Variants in TBC1D32 observed in about 807,000 individuals in gnomAD.
TBC1D32 encodes the protein TBC1 domain family member 32.
Under a neutral mutation model 170.3 loss-of-function variants are expected in TBC1D32, and 151 were observed. The observed-to-expected ratio is 0.89, with a 90% CI of 0.78 to 1.01. TBC1D32 has a LOEUF of 1.01. Among genes scored for constraint, TBC1D32 ranks in the 50% least tolerant of loss-of-function variants. TBC1D32 has a pLI of 0.00. For synonymous variants in TBC1D32, 498 were observed against 488.0 expected, an observed-to-expected ratio of 1.02 and a Z score of -0.27; for missense variants, 1,464 against 1,457.1, an observed-to-expected ratio of 1.00 and a Z score of -0.08.
chr6:121,172,777 C>A (rs896271408), intron 22 of TBC1D32, among the ~76,000 whole-genome samples: 3 of 152,166 alleles, frequency 2.0e-5, no homozygotes, highest in African/African-American at 7.2e-5. Flanking sequence ...TCTCCTTTAT[C>A]ATGTGACGTA....
intron 17 of TBC1D32, among the ~76,000 whole-genome samples, chr6:121,251,153 C>T (rs114131080): frequency 0.052 from 7,848 of 151,976 alleles, 232 homozygotes; most frequent in African/African-American, 0.079. Flanking sequence ...GGTCATACTG[C>T]CCAAAGTTAT....
At chr6:121,123,765 GT>G (rs1251031340) in intron 26 of TBC1D32, among the ~76,000 whole-genome samples, 1 of 151,486 alleles carries the variant, frequency 6.6e-6, no homozygotes, top group Non-Finnish European at 1.5e-5. Flanking sequence ...TTTAATACTT[GT>G]TTACTAGTTA....
chr6:121,293,694 A>G (rs1805203311), intron 11 of TBC1D32, among the ~76,000 whole-genome samples: 1 of 152,002 alleles, frequency 6.6e-6, no homozygotes, highest in South Asian at 2.1e-4. Context: ...GGTGGATCAC[A>G]ACGTCAGGAG....
intron 22 of TBC1D32, among the ~76,000 whole-genome samples, chr6:121,200,801 A>G: frequency 6.6e-6 from 1 of 151,540 alleles, no homozygotes; most frequent in Non-Finnish European, 1.5e-5. Flanking sequence ...GTATAAGTAG[A>G]CAAAAGCAAA....
chr6:121,082,098 CTCAT>C (rs1423664075), intron 31 of TBC1D32, among the ~76,000 whole-genome samples: 2 of 152,028 alleles, frequency 1.3e-5, no homozygotes, highest in Non-Finnish European at 2.9e-5. Context: ...CACTTCTTCA[CTCAT>C]TCATTCTCTT....
chr6:121,268,422 C>T (rs1800856282), intron 15 of TBC1D32, among the ~76,000 whole-genome samples: 1 of 152,072 alleles, frequency 6.6e-6, no homozygotes, highest in African/African-American at 2.4e-5. Flanking sequence ...CTTAAATGAC[C>T]TGATGGAACT....
At chr6:121,253,632 T>A (rs558428526) in intron 17 of TBC1D32, among the ~76,000 whole-genome samples, 4 of 151,922 alleles carry the variant, frequency 2.6e-5, no homozygotes, top group African/African-American at 9.7e-5. Flanking sequence ...GGCAGGAGAA[T>A]GGCGTCAATC....
chr6:121,205,800 T>A (rs913769020), intron 21 of TBC1D32, among the ~76,000 whole-genome samples: 2 of 152,146 alleles, frequency 1.3e-5, no homozygotes, highest in African/African-American at 4.8e-5. Context: ...TGTTCCAGTG[T>A]GTAGCCAAGT....
chr6:121,174,460 C>T (rs1265315641), intron 22 of TBC1D32, among the ~76,000 whole-genome samples: 4 of 151,972 alleles, frequency 2.6e-5, no homozygotes, highest in African/African-American at 9.7e-5. Context: ...TAAAGTTAAG[C>T]TTAACAAGTA....
At chr6:121,298,740 A>G (rs2128472270) in intron 10 of TBC1D32, among the ~76,000 whole-genome samples, 1 of 152,182 alleles carries the variant, frequency 6.6e-6, no homozygotes, top group South Asian at 2.1e-4. Flanking sequence ...TTTATGCTCT[A>G]CTGCACTCAA....
chr6:121,189,754 A>G (rs895482413), intron 22 of TBC1D32, among the ~76,000 whole-genome samples: 1 of 152,054 alleles, frequency 6.6e-6, no homozygotes, highest in Non-Finnish European at 1.5e-5. Context: ...AGAGCAGTCT[A>G]AGGACAAGAT....
intron 12 of TBC1D32, among the ~76,000 whole-genome samples, chr6:121,288,459 G>T (rs552367852): frequency 7.2e-5 from 11 of 152,278 alleles, no homozygotes; most frequent in African/African-American, 2.6e-4. Context: ...TCAGGAAGAA[G>T]TTGAATCTCT....
At chr6:121,147,367 GT>G (rs1289183306) in intron 24 of TBC1D32, among the ~76,000 whole-genome samples, 1 of 151,778 alleles carries the variant, frequency 6.6e-6, no homozygotes, top group Non-Finnish European at 1.5e-5. Context: ...GGGCAGTTCT[GT>G]TTTAAGTTCT....
intron 1 of TBC1D32, among the ~76,000 whole-genome samples, chr6:121,322,648 T>A (rs1179315259): frequency 6.6e-6 from 1 of 152,190 alleles, no homozygotes; most frequent in African/African-American, 2.4e-5. Flanking sequence ...ATCCCCTGCT[T>A]CATTCCTGAC....
At chr6:121,294,450 G>A in intron 11 of TBC1D32, 120 bp downstream of exon 11, 1 of 654,264 alleles carries the variant, frequency 1.5e-6, no homozygotes, top group East Asian at 2.9e-5. Flanking sequence ...AGCATCATTA[G>A]TAAAAGTGAC....
intron 24 of TBC1D32, among the ~76,000 whole-genome samples, chr6:121,140,418 TATC>T (rs1782644900): frequency 2.6e-5 from 4 of 152,074 alleles, no homozygotes; most frequent in African/African-American, 9.6e-5. Flanking sequence ...AGAGGAATAA[TATC>T]ATCTGAAACT....
chr6:121,300,102 A>G (rs541365625), intron 9 of TBC1D32, among the ~76,000 whole-genome samples: 1 of 152,326 alleles, frequency 6.6e-6, no homozygotes, highest in South Asian at 2.1e-4. Flanking sequence ...GCTGGATTAT[A>G]TAAGATATCA....
chr6:121,243,162 T>C (rs1427854443), intron 17 of TBC1D32, among the ~76,000 whole-genome samples: 1 of 151,662 alleles, frequency 6.6e-6, no homozygotes, highest in Non-Finnish European at 1.5e-5. Flanking sequence ...AAAATATAAT[T>C]ACAAAACACA....
chr6:121,230,971 G>T (rs1795666789), intron 20 of TBC1D32, among the ~76,000 whole-genome samples: 1 of 152,034 alleles, frequency 6.6e-6, no homozygotes, highest in Non-Finnish European at 1.5e-5. Context: ...CCCAAAGACT[G>T]ATGTATCATT....
Sources: allele counts gnomAD v4.1 joint callset (sites outside exome capture counted in the v4.1 genomes callset), GRCh38; gene constraint gnomAD v4.1.1; transcripts MANE v1.5; gene names NCBI Gene and HGNC (gene_info 2026-07-23, HGNC 2026-07-21).